The following ARFGEF1 variants were observed in gnomAD, a reference collection of about 807,000 sequenced individuals.
ARFGEF1 encodes the protein brefeldin A-inhibited guanine nucleotide-exchange protein 1.
Under a neutral mutation model 231.0 loss-of-function variants are expected in ARFGEF1, and 42 were observed. That is an observed-to-expected ratio of 0.18 (90% CI 0.14 to 0.24). The LOEUF (loss-of-function observed/expected upper bound fraction) is 0.24, where lower values mean the gene tolerates loss of function less well. Ranked by LOEUF, ARFGEF1 falls within the 10% of genes least tolerant of loss-of-function variation. ARFGEF1 has a pLI of 1.00. For missense variants in ARFGEF1, 1,345 were observed against 2,192.0 expected (o/e 0.61, Z 7.72); for synonymous variants, 710 against 732.3 (o/e 0.97, Z 0.49).
Position 67,211,583 on chromosome 8 carries a change from A to T in ARFGEF1, c.4719T>A (p.His1573Gln), listed in dbSNP as rs1563839149. ...DTISQKSVDI[H>Q]DSIQPRSVDN... ...CCACAGACCTTGGTTGAATAGAATCATGAATATCTACAGACTTCTGTGATA... is the reference window on the plus strand; with the variant it reads ...CCACAGACCTTGGTTGAATAGAATCTTGAATATCTACAGACTTCTGTGATA... Residue 1573 changes from histidine (H) to glutamine (Q), a missense_variant, in exon 34 of 39, where the codon CAT (histidine) becomes CAA (glutamine). His to Gln is a conservative substitution (Grantham distance 24, BLOSUM62 0). This residue lies in a region of ARFGEF1 where 89 missense variants were observed against 74.8 expected (regional missense o/e 1.19). Transcript: ENST00000262215. 1 of 1,547,652 alleles carries T rather than the reference A, an allele frequency of 6.5e-7. No individual in the cohort carries two copies.
intron 33 of ARFGEF1, among the ~76,000 whole-genome samples, chr8:67,214,510 T>C (rs947892499): frequency 6.6e-6 from 1 of 152,208 alleles, no homozygotes; most frequent in African/African-American, 2.4e-5. Flanking sequence ...CCTATCGAGA[T>C]TGAAAACGAT....
chr8:67,212,868 G>C (rs1053366538), intron 33 of ARFGEF1, among the ~76,000 whole-genome samples: 4 of 152,122 alleles, frequency 2.6e-5, no homozygotes, highest in African/African-American at 9.7e-5. Flanking sequence ...GGGCCCTCTT[G>C]AACAGTCTGA....
chr8:67,194,982 A>G (rs533751581), downstream of ARFGEF1, among the ~76,000 whole-genome samples: 49 of 152,278 alleles, frequency 3.2e-4, no homozygotes, highest in African/African-American at 1.1e-3. Context: ...CTTTAAAAAA[A>G]ATAAAAAGAA....
intron 19 of ARFGEF1, among the ~76,000 whole-genome samples, chr8:67,251,011 A>G (rs947058435): frequency 1.4e-4 from 22 of 152,254 alleles, no homozygotes; most frequent in African/African-American, 5.3e-4. Context: ...TAACTCATTT[A>G]GAGAAAATCA....
At chr8:67,279,914 A>G (rs1235722778) in intron 7 of ARFGEF1, among the ~76,000 whole-genome samples, 1 of 152,174 alleles carries the variant, frequency 6.6e-6, no homozygotes, top group Non-Finnish European at 1.5e-5. Context: ...TTAAACATAG[A>G]TGCAAACTTC....
chr8:67,307,103 A>G (rs1806781757), intron 1 of ARFGEF1, among the ~76,000 whole-genome samples: 1 of 152,224 alleles, frequency 6.6e-6, no homozygotes, highest in Non-Finnish European at 1.5e-5. Context: ...TTTAATAAAC[A>G]CATGAGAACC....
rs112604037 is a variant in ARFGEF1 at position 67,216,334 on chromosome 8, C to T, written c.4686+256G>A. Among the ~76,000 whole-genome samples, 303 of 152,234 alleles carry T rather than the reference C, an allele frequency of 2.0e-3. 4 individuals carry two copies. The highest frequency in any genetic ancestry group is 6.9e-3 in the African/African-American group (288 of 41,536). The stretch of plus-strand genomic sequence containing the variant: ...CTAGCTAGGCCCCTTTCTGTCCCTC[C>T]TCCTTCCACCACGTGAGAATGCAGC... On this transcript the variant is annotated intron_variant, in intron 33 of 38. Coordinates refer to ENST00000262215, the MANE Select transcript of ARFGEF1 (RefSeq NM_006421.5).
intron 1 of ARFGEF1, among the ~76,000 whole-genome samples, chr8:67,324,935 C>T (rs540539575): frequency 1.5e-4 from 21 of 143,196 alleles, no homozygotes; most frequent in Admixed American, 1.4e-3. Flanking sequence ...TTTTTTGAGA[C>T]AGAGTTTCAC....
At chr8:67,339,049 GAAGC>G (rs1346937888) in intron 1 of ARFGEF1, among the ~76,000 whole-genome samples, 2 of 152,126 alleles carry the variant, frequency 1.3e-5, no homozygotes, top group African/African-American at 2.4e-5. Flanking sequence ...GGGGCAGAAG[GAAGC>G]AAGTTCTGAA....
chr8:67,189,592 CA>C lies in ARFGEF1; in HGVS notation c.560+10803del, dbSNP rs781750896. ...ATCTGAATATCAATTATATGTTAAA[CA>C]ATGATAGTGTTGTATAAATGTTAAA... On this transcript the variant is annotated intron_variant, in intron 5 of 5. Coordinates refer to the ARFGEF1 transcript ENST00000518789. Among the ~76,000 whole-genome samples, 6 of 152,212 alleles carry C rather than the reference CA, an allele frequency of 3.9e-5. No individual in the cohort carries two copies. The South Asian group carries it at 6.2e-4, about 16-fold the overall frequency.
intron 13 of ARFGEF1, 72 bp from the exon 14 acceptor site, chr8:67,266,279 C>A (rs1804847081): frequency 4.0e-6 from 5 of 1,240,558 alleles, no homozygotes; most frequent in Non-Finnish European, 5.7e-6. Context: ...CAAACAAATT[C>A]TTGAATAAGG....
chr8:67,200,636 T>A, intron 37 of ARFGEF1, 123 bp from the exon 38 acceptor site: 1 of 664,956 alleles, frequency 1.5e-6, no homozygotes. Context: ...TTAGATCCCA[T>A]CTGTTTACAT....
intron 38 of ARFGEF1, chr8:67,199,628 CT>C (rs111708126): frequency 0.02 from 3,045 of 155,900 alleles, 76 homozygotes; most frequent in South Asian, 0.03. Flanking sequence ...TTTCCTACCC[CT>C]TCTGTACCCC....
chr8:67,277,204 C>G lies in ARFGEF1; in HGVS notation c.1203+78G>C, dbSNP rs147907178. On this transcript the variant is annotated intron_variant, in intron 8 of 38. Coordinates refer to ENST00000262215, the MANE Select transcript of ARFGEF1 (RefSeq NM_006421.5). ...CAGGCAGCATCATCAGCTGAAAATACTCATGACAAGGTGGTGGTAGCCTAT... is the reference window on the plus strand; with the variant it reads ...CAGGCAGCATCATCAGCTGAAAATAGTCATGACAAGGTGGTGGTAGCCTAT... The G allele has an allele frequency of 1.0e-3, 1,422 of 1,400,668 alleles. 28 individuals are homozygous for G. The East Asian group carries it at 0.03, about 29-fold the overall frequency. The allele number at this position is 1,400,668 out of a possible 1,614,324, so 86.8% of individuals were successfully genotyped here.
At chr8:67,200,247 A>AG in intron 38 of ARFGEF1, 149 bp downstream of exon 38, 1 of 708,028 alleles carries the variant, frequency 1.4e-6, no homozygotes, top group Non-Finnish European at 2.6e-6. Context: ...AGATACAGCA[A>AG]GGCCACTGGT....
chr8:67,255,451 C>A (rs531323203), intron 17 of ARFGEF1, among the ~76,000 whole-genome samples: 29 of 152,192 alleles, frequency 1.9e-4, no homozygotes, highest in African/African-American at 6.3e-4. Flanking sequence ...TGACTCACCA[C>A]ACACTACATA....
At chr8:67,264,278 A>C (rs919405914) in intron 14 of ARFGEF1, among the ~76,000 whole-genome samples, 5 of 152,144 alleles carry the variant, frequency 3.3e-5, no homozygotes, top group African/African-American at 1.2e-4. Flanking sequence ...TTGCAAGAAT[A>C]GTGGTGGGAG....
intron 5 of ARFGEF1, among the ~76,000 whole-genome samples, chr8:67,295,881 TAAA>T (rs1230749014): frequency 1.3e-5 from 2 of 152,150 alleles, no homozygotes; most frequent in African/African-American, 4.8e-5. Context: ...TCTCTACGTT[TAAA>T]AAGAGTTCAA....
chr8:67,299,444 A>C, intron 3 of ARFGEF1, 89 bp from the exon 4 acceptor site: 1 of 1,206,858 alleles, frequency 8.3e-7, no homozygotes, highest in East Asian at 2.9e-5. Context: ...ACAGTATACA[A>C]TTGAATATAC....
Sources: gnomAD v4.1 joint callset for allele counts (sites outside exome capture counted in the v4.1 genomes callset) on GRCh38, gnomAD v4.1.1 for gene constraint, gnomAD v4.1.1 regional missense constraint, MANE v1.5 for transcripts, NCBI Gene and HGNC (gene_info 2026-07-23, HGNC 2026-07-21) for gene names.